The following TAF9B variants were observed in gnomAD, a reference collection of about 807,000 sequenced individuals.
TAF9B encodes the protein transcription initiation factor TFIID subunit 9B.
A neutral mutation model predicts 17.6 loss-of-function variants in TAF9B; 47 were observed. The observed-to-expected ratio is 2.68, with a 90% CI of 2.12 to 3.41. The LOEUF (loss-of-function observed/expected upper bound fraction) is 3.41, where lower values mean the gene tolerates loss of function less well. Ranked by LOEUF, TAF9B falls within the 30% of genes most tolerant of loss-of-function variation. TAF9B has a pLI of 0.00. For synonymous variants in TAF9B, 84 were observed against 68.7 expected (o/e 1.22, Z -1.10); for missense variants, 218 against 189.3 (o/e 1.15, Z -0.89).
At chrX:78,138,267 G>A (rs1040763802) in intron 2 of TAF9B, among the ~76,000 whole-genome samples, 169 bp from the exon 3 acceptor site, 2 of 112,102 alleles carry the variant, frequency 1.8e-5, no homozygotes, top group Non-Finnish European at 3.8e-5. Flanking sequence ...GCCTCCCCGC[G>A]ACAGCCTCCC....
At chrX:78,137,583 G>A (rs2078438630) in intron 4 of TAF9B, among the ~76,000 whole-genome samples, 166 bp downstream of exon 4, 1 of 111,386 alleles carries the variant, frequency 9.0e-6, no homozygotes, top group Non-Finnish European at 1.9e-5. Flanking sequence ...TGAGTTAGAT[G>A]AACACTAAAG....
At chrX:78,136,468 T>A (rs915906454) in intron 5 of TAF9B, among the ~76,000 whole-genome samples, 2 of 112,362 alleles carry the variant, frequency 1.8e-5, no homozygotes, top group Non-Finnish European at 3.8e-5. Context: ...TTTAAAAAGG[T>A]TAGTATTAAA....
At chrX:78,131,908 C>A in intron 6 of TAF9B, 135 bp from the exon 7 acceptor site, 2 of 520,156 alleles carry the variant, frequency 3.8e-6, no homozygotes, top group Non-Finnish European at 6.0e-6. Context: ...GCAACTATAT[C>A]ATAGAAGAAA....
chrX:78,134,557 C>CA (rs2078426872), intron 5 of TAF9B, among the ~76,000 whole-genome samples: 1 of 111,524 alleles, frequency 9.0e-6, no homozygotes, highest in African/African-American at 3.3e-5. Flanking sequence ...TTGCTGAGGA[C>CA]ACTGCAATTA....
At position 78,130,832 on chromosome X, in the gene TAF9B, A is replaced by G. The variant is rs1362755983; in HGVS notation, c.*778T>C. 8.9e-6 allele frequency: 1 copy of G among 112,594 alleles called. No individual in the cohort carries two copies. Among genetic ancestry groups the G allele is most frequent in the Non-Finnish European group, 1.9e-5 (1 of 53,322 alleles). 9.3% of individuals were successfully genotyped at this position (112,594 alleles called of 1,213,427 possible). ...TTAACAGGCATAAAAACTAAGGGGT[A>G]AAACCCAACTGCTCTGACATAAGAG... is the stretch of plus-strand genomic sequence containing the variant. On this transcript the variant is annotated 3_prime_UTR_variant, in exon 7 of 7. Transcript: ENST00000341864.
In TAF9B at chrX:78,130,280, GTA is replaced by G. The variant is rs781803644; in HGVS notation, c.*1328_*1329del. 1.8e-5 allele frequency: 2 copies of G among 111,893 alleles called. No individual in the cohort carries two copies. Among genetic ancestry groups the G allele is most frequent in the South Asian group, 7.4e-4 (2 of 2,720 alleles). The allele number at this position is 111,893 out of a possible 1,213,427, so 9.2% of individuals were successfully genotyped here. On this transcript the variant is annotated 3_prime_UTR_variant, in exon 7 of 7. Coordinates refer to ENST00000341864, the MANE Select transcript of TAF9B (RefSeq NM_015975.5). ...CATTTATTTTACAAATTCTACAAAA[GTA>G]TGTTGAACTTAAGAAAAACAAAACA...
chrX:78,133,412 G>A lies in TAF9B; in HGVS notation c.518C>T (p.Ala173Val). 8.3e-7 allele frequency: 1 copy of A among 1,211,180 alleles called. No individual in the cohort carries two copies. The highest frequency in any genetic ancestry group is 1.1e-6 in the Non-Finnish European group (1 of 894,884). Residue 173 changes from alanine to valine, a missense_variant, in exon 6 of 7, where the codon GCA (alanine) becomes GTA (valine). Transcript: ENST00000341864. ...PQTVSVPNKV[A>V]TPMSVTSQRF... The stretch of plus-strand genomic sequence containing the variant: ...TTGGCTTGTCACTGACATTGGAGTT[G>A]CAACTTTATTTGGGACAGACACCGT...
chrX:78,132,627 TG>T (rs2078418405), intron 6 of TAF9B, among the ~76,000 whole-genome samples: 3 of 110,146 alleles, frequency 2.7e-5, no homozygotes, highest in Admixed American at 9.8e-5. Context: ...TGTGTGTGTG[TG>T]TGTGTGTGTG....
chrX:78,137,691 A>G, intron 4 of TAF9B, 58 bp downstream of exon 4: 1 of 1,081,443 alleles, frequency 9.2e-7, no homozygotes, highest in South Asian at 2.2e-5. Context: ...TGCTTTTCAC[A>G]AAGTCCCCTA....
intron 2 of TAF9B, 84 bp downstream of exon 2, chrX:78,138,759 G>T: frequency 4.9e-6 from 4 of 823,012 alleles, no homozygotes; most frequent in Non-Finnish European, 7.2e-6. Context: ...TCTCAAAAAA[G>T]AAAATAAAAG....
At chrX:78,133,133 C>T (rs1557249692) in intron 6 of TAF9B, among the ~76,000 whole-genome samples, 1 of 111,637 alleles carries the variant, frequency 9.0e-6, no homozygotes, top group African/African-American at 3.3e-5. Context: ...AACAATCCCT[C>T]AAGGATAAGG....
intron 1 of TAF9B, 111 bp from the exon 2 acceptor site, chrX:78,139,035 A>AAAG: frequency 1.7e-6 from 1 of 590,979 alleles, no homozygotes; most frequent in Non-Finnish European, 2.7e-6. Context: ...TTTGGGCTCC[A>AAAG]AAGTCCTACT....
Position 78,129,934 on chromosome X carries a change from G to A in TAF9B, c.*1676C>T, listed in dbSNP as rs781970525. 1 of 112,174 alleles carries A rather than the reference G, an allele frequency of 8.9e-6. No individual in the cohort carries two copies. Among genetic ancestry groups the A allele is most frequent in the East Asian group, 2.8e-4 (1 of 3,593 alleles). 9.2% of individuals were successfully genotyped at this position (112,174 alleles called of 1,213,427 possible). A position where few individuals can be genotyped will look rare whatever the true frequency, so the allele number is the denominator to read the frequency against. On this transcript the variant is annotated 3_prime_UTR_variant, in exon 7 of 7. Transcript: ENST00000341864. ...GAACAAGGCTAAGAGGTGAAGTAAG[G>A]TCACACAGTTGGTAAATGATGGAGC...
intron 2 of TAF9B, among the ~76,000 whole-genome samples, chrX:78,138,563 G>T (rs2281382): frequency 0.27 from 30,204 of 111,279 alleles, 3,138 homozygotes; most frequent in East Asian, 0.38. Context: ...TTCGAGGCCA[G>T]CCTGGGCAAT....
In TAF9B at chrX:78,130,580, G is replaced by T. The variant is rs2078405300; in HGVS notation, c.*1030C>A. 8.9e-6 allele frequency: 1 copy of T among 112,352 alleles called. No homozygotes were observed. The highest frequency in any genetic ancestry group is 1.9e-5 in the Non-Finnish European group (1 of 53,180). The allele number at this position is 112,352 out of a possible 1,213,427, so 9.3% of individuals were successfully genotyped here. ...TGATCTGAATTATACCAATAGCGGG[G>T]CTCAAGCAGCAGTGATCAAAACATA... On this transcript the variant is annotated 3_prime_UTR_variant, in exon 7 of 7. Coordinates refer to ENST00000341864, the MANE Select transcript of TAF9B (RefSeq NM_015975.5).
intron 4 of TAF9B, among the ~76,000 whole-genome samples, chrX:78,137,376 G>A (rs1053736460): frequency 9.0e-6 from 1 of 111,516 alleles, no homozygotes; most frequent in African/African-American, 3.3e-5. Flanking sequence ...CTTTTTCAGT[G>A]GTGGGAGAGC....
chrX:78,136,927 T>TA lies in TAF9B; in HGVS notation c.468dup (p.Thr157TyrfsTer15). 8.3e-7 allele frequency: 1 copy of TA among 1,200,306 alleles called. No homozygotes were observed. The highest frequency in any genetic ancestry group is 3.0e-5 in the East Asian group (1 of 33,780). On this transcript the variant is annotated frameshift_variant, in exon 5 of 7. Coordinates refer to ENST00000341864, the MANE Select transcript of TAF9B (RefSeq NM_015975.5). LOFTEE classifies it high-confidence loss of function. ...TCCTCTCACTTACCTATAGTAGGAG[T>TA]AGTAGGTTTGCTACTAACAGCACCA...
intron 5 of TAF9B, among the ~76,000 whole-genome samples, chrX:78,135,684 A>G (rs1264064161): frequency 8.9e-6 from 1 of 112,196 alleles, no homozygotes; most frequent in Non-Finnish European, 1.9e-5. Context: ...TCTAGATTTT[A>G]ACAATCTCTG....
At chrX:78,134,884 G>A (rs1433972006) in intron 5 of TAF9B, among the ~76,000 whole-genome samples, 1 of 111,056 alleles carries the variant, frequency 9.0e-6, no homozygotes, top group African/African-American at 3.3e-5. Context: ...GAACACATTA[G>A]ACTGTAGATG....
Sources: allele counts gnomAD v4.1 joint callset (sites outside exome capture counted in the v4.1 genomes callset), GRCh38; gene constraint gnomAD v4.1.1; transcripts MANE v1.5; gene names NCBI Gene and HGNC (gene_info 2026-07-23, HGNC 2026-07-21).